The following CNTN4 variants were observed in gnomAD, a reference collection of about 807,000 sequenced individuals.
CNTN4 encodes contactin-4.
In CNTN4, 77 loss-of-function variants were observed where a neutral mutation model predicts 122.5. The observed-to-expected ratio is 0.63, with a 90% CI of 0.52 to 0.76. The LOEUF is 0.76. Among genes scored for constraint, CNTN4 ranks in the 30% least tolerant of loss-of-function variants. The pLI is 0.00. For missense variants in CNTN4, 1,256 were observed against 1,259.1 expected (o/e 1.00, Z 0.04); for synonymous variants, 512 against 447.0 (o/e 1.15, Z -1.83).
At chr3:2,215,413 C>T (rs1245779223) in intron 2 of CNTN4, among the ~76,000 whole-genome samples, 1 of 152,150 alleles carries the variant, frequency 6.6e-6, no homozygotes, top group Non-Finnish European at 1.5e-5. Context: ...TTTTGGGAAA[C>T]CACAGCAGTG....
At chr3:2,309,506 A>G (rs979362579) in intron 2 of CNTN4, among the ~76,000 whole-genome samples, 8 of 152,070 alleles carry the variant, frequency 5.3e-5, no homozygotes, top group African/African-American at 1.9e-4. Context: ...TGTTTTTTAT[A>G]TGACTTATTT....
intron 12 of CNTN4, among the ~76,000 whole-genome samples, chr3:2,911,389 G>C (rs1408163006): frequency 6.6e-6 from 1 of 152,190 alleles, no homozygotes; most frequent in African/African-American, 2.4e-5. Context: ...CAAAAGCCCA[G>C]AGAAGATGCA....
chr3:2,246,954 T>C (rs150482502), intron 2 of CNTN4, among the ~76,000 whole-genome samples: 84 of 152,124 alleles, frequency 5.5e-4, no homozygotes, highest in African/African-American at 1.9e-3. Flanking sequence ...AACATACACA[T>C]AGAGACAAGA....
At chr3:2,228,736 G>A (rs975436518) in intron 2 of CNTN4, among the ~76,000 whole-genome samples, 19 of 152,212 alleles carry the variant, frequency 1.2e-4, no homozygotes, top group African/African-American at 4.6e-4. Context: ...TAATATATAT[G>A]AATGACTATT....
chr3:2,721,508 G>A (rs1036700385), intron 4 of CNTN4, among the ~76,000 whole-genome samples: 1 of 152,152 alleles, frequency 6.6e-6, no homozygotes, highest in Non-Finnish European at 1.5e-5. Flanking sequence ...TGCCACTGCT[G>A]CTATTTCATG....
intron 3 of CNTN4, among the ~76,000 whole-genome samples, chr3:2,405,603 A>G (rs13087078): frequency 0.14 from 15,136 of 111,978 alleles, 952 homozygotes; most frequent in Middle Eastern, 0.24. Flanking sequence ...AGGTAGATAG[A>G]TAGATAGATA....
intron 2 of CNTN4, among the ~76,000 whole-genome samples, chr3:2,122,985 A>G (rs2033898982): frequency 6.6e-6 from 1 of 152,162 alleles, no homozygotes; most frequent in Non-Finnish European, 1.5e-5. Flanking sequence ...ACTGTCGGTG[A>G]GACTTGGCAT....
At chr3:2,686,404 AC>A (rs1230145965) in intron 4 of CNTN4, among the ~76,000 whole-genome samples, 2 of 151,472 alleles carry the variant, frequency 1.3e-5, no homozygotes, top group Non-Finnish European at 2.9e-5. Context: ...ACCCAACCCT[AC>A]CCCCGACACA....
At chr3:2,978,104 T>C (rs1693597246) in intron 13 of CNTN4, among the ~76,000 whole-genome samples, 1 of 152,162 alleles carries the variant, frequency 6.6e-6, no homozygotes, top group Non-Finnish European at 1.5e-5. Flanking sequence ...CAGACTGCCA[T>C]CCTCCACCAC....
At chr3:2,784,729 G>A (rs1438063417) in intron 6 of CNTN4, among the ~76,000 whole-genome samples, 1 of 152,200 alleles carries the variant, frequency 6.6e-6, no homozygotes, top group Non-Finnish European at 1.5e-5. Context: ...TCACCTGACA[G>A]CCATCTCACT....
intron 2 of CNTN4, among the ~76,000 whole-genome samples, chr3:2,200,264 G>T (rs2038037375): frequency 6.6e-6 from 1 of 152,040 alleles, no homozygotes; most frequent in African/African-American, 2.4e-5. Context: ...ATGTGCTGAT[G>T]GTTTGGAGAA....
At chr3:2,365,597 C>G (rs574035124) in intron 3 of CNTN4, among the ~76,000 whole-genome samples, 2 of 152,174 alleles carry the variant, frequency 1.3e-5, no homozygotes, top group African/African-American at 4.8e-5. Flanking sequence ...TTCTATCTTA[C>G]GTTCTGCTGG....
chr3:2,478,227 G>T (rs1050920792), intron 3 of CNTN4, among the ~76,000 whole-genome samples: 1 of 151,996 alleles, frequency 6.6e-6, no homozygotes, highest in Non-Finnish European at 1.5e-5. Flanking sequence ...TCAGAGTGTC[G>T]CATAATGCAT....
At chr3:2,179,706 G>C (rs967124008) in intron 2 of CNTN4, among the ~76,000 whole-genome samples, 4 of 151,502 alleles carry the variant, frequency 2.6e-5, no homozygotes, top group Admixed American at 6.6e-5. Flanking sequence ...ATGATCTACA[G>C]GTATAATTCC....
intron 4 of CNTN4, among the ~76,000 whole-genome samples, chr3:2,631,045 G>A (rs531513686): frequency 6.6e-6 from 1 of 152,164 alleles, no homozygotes; most frequent in African/African-American, 2.4e-5. Context: ...ATATTATAAG[G>A]CAAAATCTCT....
At chr3:2,289,155 C>G (rs1033057063) in intron 2 of CNTN4, among the ~76,000 whole-genome samples, 1 of 152,102 alleles carries the variant, frequency 6.6e-6, no homozygotes, top group African/African-American at 2.4e-5. Context: ...CATACATTCG[C>G]TTTAGAAATA....
intron 12 of CNTN4, among the ~76,000 whole-genome samples, chr3:2,916,813 G>A (rs528713724): frequency 2.7e-5 from 4 of 150,702 alleles, no homozygotes; most frequent in African/African-American, 7.4e-5. Flanking sequence ...AGACGGGGCC[G>A]CCGGGTGGAG....
At chr3:2,243,268 A>G (rs1403698785) in intron 2 of CNTN4, among the ~76,000 whole-genome samples, 1 of 152,120 alleles carries the variant, frequency 6.6e-6, no homozygotes, top group Non-Finnish European at 1.5e-5. Flanking sequence ...TTGTAACTGT[A>G]TGTATTTTTC....
At chr3:2,328,073 T>A (rs1411057628) in intron 2 of CNTN4, among the ~76,000 whole-genome samples, 1 of 152,184 alleles carries the variant, frequency 6.6e-6, no homozygotes, top group Non-Finnish European at 1.5e-5. Context: ...ATTACTGTTA[T>A]ATTATACCCT....
Sources: allele counts gnomAD v4.1 joint callset (sites outside exome capture counted in the v4.1 genomes callset), GRCh38; gene constraint gnomAD v4.1.1; transcripts MANE v1.5; gene names NCBI Gene and HGNC (gene_info 2026-07-23, HGNC 2026-07-21).